The following SLC27A6 variants were observed in gnomAD, a reference collection of about 807,000 sequenced individuals.
The protein encoded by SLC27A6 is long-chain fatty acid transport protein 6.
A neutral mutation model predicts 63.9 loss-of-function variants in SLC27A6; 74 were observed. That is an observed-to-expected ratio of 1.16 (90% confidence interval 0.96 to 1.40). The LOEUF is 1.40. SLC27A6 is among the 40% of genes most tolerant of loss of function. SLC27A6 has a pLI of 0.00. For synonymous variants in SLC27A6, 287 were observed against 260.8 expected (o/e 1.10, Z -0.97); for missense variants, 794 against 732.9 (o/e 1.08, Z -0.96).
At chr5:129,013,677 T>G (rs1751800563) in intron 4 of SLC27A6, among the ~76,000 whole-genome samples, 1 of 152,106 alleles carries the variant, frequency 6.6e-6, no homozygotes, top group Non-Finnish European at 1.5e-5. Context: ...GTTTTAGGTT[T>G]TATTTATTTA....
At chr5:129,025,461 T>TAC (rs956929353) in intron 6 of SLC27A6, among the ~76,000 whole-genome samples, 13 of 152,164 alleles carry the variant, frequency 8.5e-5, no homozygotes, top group African/African-American at 3.1e-4. Flanking sequence ...TATATATATA[T>TAC]ACTCCGACTC....
chr5:128,977,521 G>A (rs886500622), intron 1 of SLC27A6, among the ~76,000 whole-genome samples: 1 of 152,080 alleles, frequency 6.6e-6, no homozygotes, highest in African/African-American at 2.4e-5. Flanking sequence ...ATGGAGATGA[G>A]GGAATGAGCA....
intron 1 of SLC27A6, among the ~76,000 whole-genome samples, chr5:128,974,566 C>G (rs2526252): frequency 0.49 from 74,921 of 152,102 alleles, 20,381 homozygotes; most frequent in Non-Finnish European, 0.62. Flanking sequence ...TAAACATACT[C>G]TTTTTAGCAC....
In SLC27A6 at chr5:128,988,700, C is replaced by T; in HGVS notation, c.786C>T (p.Thr262=). The change falls in exon 3 of 10, where the codon ACC becomes ACT. Residue 262 remains threonine (T), a synonymous_variant. Transcript: ENST00000262462. ...GCTAHDIVYI[T]LPLYHSSAAI... ...CTGCTCATGACATTGTTTATATAAC[C>T]CTTCCTCTGTATCATAGTTCAGCAG... is the stretch of plus-strand genomic sequence containing the variant. 1 of 1,613,570 alleles carries T rather than the reference C, an allele frequency of 6.2e-7. No homozygotes were observed. The highest frequency in any genetic ancestry group is 8.5e-7 in the Non-Finnish European group (1 of 1,179,674).
In SLC27A6 at chr5:128,966,144, C is replaced by G. The variant is rs748554875; in HGVS notation, c.7C>G (p.Leu3Val). The G allele has an allele frequency of 6.5e-7, 1 of 1,538,880 alleles. No homozygotes were observed. The change falls in exon 1 of 10, where the codon CTG becomes GTG. Residue 3 changes from leucine to valine, a missense_variant. Leu to Val is a conservative substitution (Grantham distance 32). Transcript: ENST00000262462. ...TTCTGGCCCAGTTGCCCCCATGCTT[C>G]TGTCATGGCTAACAGTTCTAGGGGC... The part of the protein sequence containing the change: ML[L>V]SWLTVLGAGM...
At chr5:129,017,027 C>A (rs73242081) in intron 5 of SLC27A6, among the ~76,000 whole-genome samples, 2,535 of 152,180 alleles carry the variant, frequency 0.017, 74 homozygotes, top group African/African-American at 0.057. Flanking sequence ...GCAGTCTCAA[C>A]CTTTGTAAAG....
At chr5:129,027,359 TG>T in intron 7 of SLC27A6, 28 bp downstream of exon 7, 1 of 1,532,024 alleles carries the variant, frequency 6.5e-7, no homozygotes, top group Non-Finnish European at 9.0e-7. Flanking sequence ...ATCCATAGCT[TG>T]TTCTGTAATT....
intron 4 of SLC27A6, among the ~76,000 whole-genome samples, chr5:129,010,385 C>T (rs1052459454): frequency 6.6e-6 from 1 of 152,128 alleles, no homozygotes; most frequent in Admixed American, 6.5e-5. Context: ...GCAGTAGAAA[C>T]ATTGGCAAAA....
intron 1 of SLC27A6, among the ~76,000 whole-genome samples, chr5:128,981,535 G>A (rs951188003): frequency 2.6e-5 from 4 of 151,412 alleles, no homozygotes; most frequent in South Asian, 2.1e-4. Context: ...AGTAGTTTAC[G>A]ATCAAAATGG....
intron 4 of SLC27A6, among the ~76,000 whole-genome samples, chr5:128,991,062 G>T (rs1750964689): frequency 6.6e-6 from 1 of 152,204 alleles, no homozygotes; most frequent in Admixed American, 6.5e-5. Flanking sequence ...CATACAACGG[G>T]AGGCGACCCA....
intron 5 of SLC27A6, among the ~76,000 whole-genome samples, chr5:129,018,126 T>C (rs1751968277): frequency 6.6e-6 from 1 of 152,120 alleles, no homozygotes; most frequent in Non-Finnish European, 1.5e-5. Flanking sequence ...GCATTGCTTT[T>C]GACATTTCCA....
At chr5:128,977,904 TAAGTA>T (rs951362630) in intron 1 of SLC27A6, among the ~76,000 whole-genome samples, 70 of 152,318 alleles carry the variant, frequency 4.6e-4, no homozygotes, top group African/African-American at 1.6e-3. Context: ...CTGTTTGTTT[TAAGTA>T]AAGAGAAGAG....
intron 4 of SLC27A6, among the ~76,000 whole-genome samples, chr5:129,011,610 G>C (rs1380215357): frequency 6.6e-6 from 1 of 152,076 alleles, no homozygotes; most frequent in Non-Finnish European, 1.5e-5. Context: ...ATAACCTTCT[G>C]TTCACATCTC....
chr5:128,989,122 GAC>G (rs1750889754), intron 3 of SLC27A6, among the ~76,000 whole-genome samples: 1 of 152,184 alleles, frequency 6.6e-6, no homozygotes, highest in African/African-American at 2.4e-5. Flanking sequence ...AGTCTTGAAA[GAC>G]ACATAGGTTA....
At chr5:128,994,976 A>C (rs1751107552) in intron 4 of SLC27A6, among the ~76,000 whole-genome samples, 1 of 152,222 alleles carries the variant, frequency 6.6e-6, no homozygotes, top group Non-Finnish European at 1.5e-5. Flanking sequence ...CATTGTTTTC[A>C]GAAAAAGAGA....
chr5:129,033,300 C>A lies in SLC27A6; in HGVS notation c.*18C>A, dbSNP rs750327938. 2.8e-6 allele frequency: 4 copies of A among 1,436,568 alleles called. No homozygotes were observed. The highest frequency in any genetic ancestry group is 1.3e-5 in the South Asian group (1 of 74,870). 89.0% of individuals were successfully genotyped at this position (1,436,568 alleles called of 1,614,324 possible). On this transcript the variant is annotated 3_prime_UTR_variant, in exon 10 of 10. Transcript: ENST00000262462. ...AACTTTAAGATTTTTATATCTAGAA[C>A]TTTCATATGCTTTCTTAGGAAGAGT...
chr5:128,969,265 A>G (rs1750040185), intron 1 of SLC27A6, among the ~76,000 whole-genome samples: 1 of 152,148 alleles, frequency 6.6e-6, no homozygotes, highest in Non-Finnish European at 1.5e-5. Flanking sequence ...TTGGTTCCGT[A>G]TGAACTTTAA....
chr5:129,019,872 G>A (rs1011397442), intron 5 of SLC27A6, among the ~76,000 whole-genome samples: 2 of 152,104 alleles, frequency 1.3e-5, no homozygotes, highest in East Asian at 3.9e-4. Context: ...CTTAATTGGT[G>A]TTCCTGCAGT....
intron 1 of SLC27A6, among the ~76,000 whole-genome samples, chr5:128,970,609 C>CTT (rs949261372): frequency 6.6e-6 from 1 of 152,042 alleles, no homozygotes; most frequent in Non-Finnish European, 1.5e-5. Context: ...GTTGTATCCC[C>CTT]TTTATCATTT....
Sources: allele counts gnomAD v4.1 joint callset (sites outside exome capture counted in the v4.1 genomes callset), GRCh38; gene constraint gnomAD v4.1.1; transcripts MANE v1.5; gene names NCBI Gene and HGNC (gene_info 2026-07-23, HGNC 2026-07-21).